The following RIPOR2 variants were observed in gnomAD, a reference collection of about 807,000 sequenced individuals.
RIPOR2 encodes the protein RHO family interacting cell polarization regulator 2.
Under a neutral mutation model 114.5 loss-of-function variants are expected in RIPOR2, and 39 were observed. The ratio of observed to expected loss-of-function variants is 0.34; its 90% CI spans 0.26 to 0.44. The LOEUF is 0.44. RIPOR2 is among the 20% of genes least tolerant of loss of function. The pLI is 1.00. For missense variants in RIPOR2, 1,007 were observed against 1,255.1 expected, an observed-to-expected ratio of 0.80 and a Z score of 2.99; for synonymous variants, 445 against 484.4, an observed-to-expected ratio of 0.92 and a Z score of 1.07.
chr6:25,040,871 A>G (rs1308158973), intron 1 of RIPOR2, among the ~76,000 whole-genome samples: 1 of 152,208 alleles, frequency 6.6e-6, no homozygotes, highest in Non-Finnish European at 1.5e-5. Context: ...GATTACAGGC[A>G]TGAGCTACCG....
intron 6 of RIPOR2, among the ~76,000 whole-genome samples, chr6:24,867,149 G>A (rs558811122): frequency 6.6e-6 from 1 of 152,366 alleles, no homozygotes; most frequent in South Asian, 2.1e-4. Context: ...ACTCTGCTGA[G>A]AAGAATGCCC....
At chr6:24,868,794 T>G (rs116542845) in intron 6 of RIPOR2, among the ~76,000 whole-genome samples, 131 of 152,340 alleles carry the variant, frequency 8.6e-4, no homozygotes, top group African/African-American at 3.1e-3. Flanking sequence ...AGGGCTAGTT[T>G]GATTGATAGT....
intron 1 of RIPOR2, among the ~76,000 whole-genome samples, chr6:24,932,992 G>C (rs533837853): frequency 6.6e-6 from 1 of 152,268 alleles, no homozygotes. Flanking sequence ...TGTTTCAGAA[G>C]AAGAATGAGG....
rs1761940403 is a variant in RIPOR2, at chr6:24,843,449, AG to A, written c.1269del (p.Ser424ProfsTer56). 1 of 1,611,316 alleles carries A rather than the reference AG, an allele frequency of 6.2e-7. No homozygotes were observed. The highest frequency in any genetic ancestry group is 8.5e-7 in the Non-Finnish European group (1 of 1,177,874). ...TTGGAAGGGGAGCCTGTTGAGTGGG[AG>A]GTGAGGGCGCAGTCCCCGTTGGGCA... ...SDLPNGDCAL[T>X]SHSTGSPSNS... is the part of the protein sequence containing the mutation. On this transcript the variant is annotated frameshift_variant, in exon 13 of 22. Coordinates refer to ENST00000643898, the MANE Select transcript of RIPOR2 (RefSeq NM_001286445.3). LOFTEE classifies it high-confidence loss of function.
chr6:24,941,019 A>T (rs900981168), intron 1 of RIPOR2, among the ~76,000 whole-genome samples: 1 of 152,160 alleles, frequency 6.6e-6, no homozygotes, highest in African/African-American at 2.4e-5. Context: ...TCTCATGGGT[A>T]CAATCTCATG....
chr6:24,918,286 G>C (rs1479868319), intron 1 of RIPOR2, among the ~76,000 whole-genome samples: 2 of 151,924 alleles, frequency 1.3e-5, no homozygotes, highest in East Asian at 3.8e-4. Context: ...TCCTGACATT[G>C]GCTTGATTGA....
At chr6:24,917,366 C>T (rs925730516) in intron 1 of RIPOR2, among the ~76,000 whole-genome samples, 1 of 152,092 alleles carries the variant, frequency 6.6e-6, no homozygotes, top group African/African-American at 2.4e-5. Context: ...GTTCTAAACG[C>T]CATAGGCTGA....
intron 1 of RIPOR2, among the ~76,000 whole-genome samples, chr6:24,903,495 G>A (rs1768674587): frequency 6.6e-6 from 1 of 151,960 alleles, no homozygotes; most frequent in Non-Finnish European, 1.5e-5. Context: ...AGTAGTTAAA[G>A]GTTAAATTTT....
intron 1 of RIPOR2, among the ~76,000 whole-genome samples, chr6:25,034,477 A>G (rs1282886672): frequency 1.3e-5 from 2 of 152,124 alleles, no homozygotes; most frequent in Non-Finnish European, 2.9e-5. Context: ...ATTCCCTAAG[A>G]TCCTCCTTAC....
chr6:25,000,913 G>T (rs976546856), intron 1 of RIPOR2, among the ~76,000 whole-genome samples: 1 of 152,150 alleles, frequency 6.6e-6, no homozygotes, highest in Non-Finnish European at 1.5e-5. Context: ...CATAATTCCT[G>T]TATATTGACC....
At chr6:24,988,208 G>A (rs1774621631) in intron 1 of RIPOR2, among the ~76,000 whole-genome samples, 1 of 151,454 alleles carries the variant, frequency 6.6e-6, no homozygotes, top group Non-Finnish European at 1.5e-5. Context: ...TTTATTTTTT[G>A]AGACAGAGTC....
In RIPOR2 at chr6:24,809,822, TA is replaced by T; in HGVS notation, c.2953-16del. On this transcript the variant is annotated splice_polypyrimidine_tract_variant and intron_variant, in intron 20 of 21. Transcript: ENST00000643898. ...CTTTCAGTAGCCTATGGGGGAAAAA[TA>T]GGTTAAATCGTGTTTTGACATTTAG... 6.7e-7 allele frequency: 1 copy of T among 1,495,512 alleles called. No homozygotes were observed. Among genetic ancestry groups the T allele is most frequent in the South Asian group, 1.2e-5 (1 of 82,880 alleles). The allele number at this position is 1,495,512 out of a possible 1,614,324, so 92.6% of individuals were successfully genotyped here. A position where few individuals can be genotyped will look rare whatever the true frequency, so the allele number is the denominator to read the frequency against.
At position 24,806,406 on chromosome 6, in the gene RIPOR2, A is replaced by G. The variant is rs1215024168; in HGVS notation, c.3111T>C (p.Gly1037=). The change falls in exon 22 of 22, where the codon GGT becomes GGC. Residue 1037 remains glycine (G), a synonymous_variant. Transcript: ENST00000643898. ...KFPRDCVKVG[G]RHGTEVATAF is the part of the protein sequence containing the mutation. ...CTGTGGCAACTTCAGTTCCATGACG[A>G]CCTCCGACTTTAACACAGTCTCGAG... 2 of 1,551,264 alleles carry G rather than the reference A, an allele frequency of 1.3e-6. No individual in the cohort carries two copies. Among genetic ancestry groups the G allele is most frequent in the Non-Finnish European group, 1.7e-6 (2 of 1,146,800 alleles).
At chr6:24,962,296 G>A (rs890300226) in intron 1 of RIPOR2, among the ~76,000 whole-genome samples, 1 of 152,148 alleles carries the variant, frequency 6.6e-6, no homozygotes, top group Non-Finnish European at 1.5e-5. Flanking sequence ...CAGGTTTTGG[G>A]TGGCCATGCA....
intron 1 of RIPOR2, among the ~76,000 whole-genome samples, chr6:24,994,758 A>C (rs997359900): frequency 1.3e-5 from 2 of 152,022 alleles, no homozygotes; most frequent in Admixed American, 6.5e-5. Context: ...TAGCACCATG[A>C]AACTTGCATA....
chr6:25,020,932 C>A (rs182313262), intron 1 of RIPOR2, among the ~76,000 whole-genome samples: 1 of 152,128 alleles, frequency 6.6e-6, no homozygotes, highest in Non-Finnish European at 1.5e-5. Context: ...TCTTGGCCCA[C>A]GGCAACCTCC....
intron 6 of RIPOR2, among the ~76,000 whole-genome samples, chr6:24,867,862 G>A (rs554537768): frequency 6.5e-4 from 99 of 152,304 alleles, no homozygotes; most frequent in Non-Finnish European, 1.2e-3. Flanking sequence ...TTAGGCGTCT[G>A]AATATAAGAT....
intron 1 of RIPOR2, among the ~76,000 whole-genome samples, chr6:24,999,206 G>A (rs1775185275): frequency 6.6e-6 from 1 of 152,190 alleles, no homozygotes; most frequent in African/African-American, 2.4e-5. Flanking sequence ...GGACCAAGCT[G>A]ACTGAGACTG....
intron 2 of RIPOR2, 142 bp downstream of exon 2, chr6:24,875,548 CA>C: frequency 1.4e-6 from 1 of 730,304 alleles, no homozygotes; most frequent in Non-Finnish European, 2.2e-6. Context: ...ATTTTTAGTA[CA>C]TCCTTTCCAT....
Sources: gnomAD v4.1 joint callset for allele counts (sites outside exome capture counted in the v4.1 genomes callset) on GRCh38, gnomAD v4.1.1 for gene constraint, MANE v1.5 for transcripts, NCBI Gene and HGNC (gene_info 2026-07-23, HGNC 2026-07-21) for gene names.